FUT8: variants seen among roughly 807,000 people sequenced by gnomAD.
FUT8 encodes alpha-(1,6)-fucosyltransferase.
A neutral mutation model predicts 71.3 loss-of-function variants in FUT8; 29 were observed. That is an observed-to-expected ratio of 0.41 (90% CI 0.30 to 0.55). FUT8 has a LOEUF of 0.55. Among genes scored for constraint, FUT8 ranks in the 20% least tolerant of loss-of-function variants. The pLI is 0.34. For missense variants in FUT8, 544 were observed against 702.1 expected, an observed-to-expected ratio of 0.77 and a Z score of 2.55; for synonymous variants, 254 against 239.3, an observed-to-expected ratio of 1.06 and a Z score of -0.57.
At chr14:65,557,354 A>G (rs1199808576) in intron 2 of FUT8, among the ~76,000 whole-genome samples, 2 of 147,406 alleles carry the variant, frequency 1.4e-5, no homozygotes, top group African/African-American at 5.0e-5. Context: ...TTTTTTTGAG[A>G]CAGAGCCTTG....
intron 3 of FUT8, among the ~76,000 whole-genome samples, chr14:65,579,413 A>G (rs1195889225): frequency 6.6e-6 from 1 of 152,200 alleles, no homozygotes; most frequent in African/African-American, 2.4e-5. Context: ...CACTTGAATC[A>G]TTACATCTTT....
At chr14:65,448,585 TA>T (rs1595390102) in intron 1 of FUT8, among the ~76,000 whole-genome samples, 1 of 152,172 alleles carries the variant, frequency 6.6e-6, no homozygotes, top group Non-Finnish European at 1.5e-5. Flanking sequence ...TAATATGTGT[TA>T]AGGTAGTGTG....
At chr14:65,611,217 G>A (rs1234645401) in intron 3 of FUT8, among the ~76,000 whole-genome samples, 57 of 3,136 alleles carry the variant, frequency 0.018, 3 homozygotes, top group South Asian at 0.056. Flanking sequence ...GCGCGCGCGC[G>A]CGCGCGCACA....
At chr14:65,554,119 G>A (rs193260265) in intron 2 of FUT8, among the ~76,000 whole-genome samples, 108 of 151,578 alleles carry the variant, frequency 7.1e-4, no homozygotes, top group Admixed American at 2.2e-3. Flanking sequence ...TCTTCTCTTT[G>A]CGTTTCATTT....
At chr14:65,649,480 AT>A (rs1891262227) in intron 6 of FUT8, among the ~76,000 whole-genome samples, 1 of 152,210 alleles carries the variant, frequency 6.6e-6, no homozygotes, top group African/African-American at 2.4e-5. Context: ...GAGATGGTTG[AT>A]TATGTTTAAA....
chr14:65,593,764 T>TG (rs1390232403), intron 3 of FUT8, among the ~76,000 whole-genome samples: 1 of 152,170 alleles, frequency 6.6e-6, no homozygotes, highest in Non-Finnish European at 1.5e-5. Flanking sequence ...TTAATAGAGA[T>TG]GGGGTTTCTC....
intron 7 of FUT8, among the ~76,000 whole-genome samples, chr14:65,694,395 A>G (rs1328285642): frequency 2.0e-5 from 3 of 151,910 alleles, no homozygotes; most frequent in African/African-American, 7.3e-5. Flanking sequence ...ATTTCTTGAC[A>G]TTTCTTTGAT....
chr14:65,642,390 G>T (rs1659618398), intron 6 of FUT8, among the ~76,000 whole-genome samples: 1 of 151,984 alleles, frequency 6.6e-6, no homozygotes, highest in Admixed American at 6.6e-5. Context: ...ATCACTTGAG[G>T]CCAAGAGTTT....
upstream of FUT8, chr14:65,412,073 G>A (rs2139338803): frequency 2.2e-6 from 1 of 456,748 alleles, no homozygotes; most frequent in Admixed American, 2.3e-5. Flanking sequence ...TTCCGCCTCA[G>A]AGGGGCTGTC....
chr14:65,646,854 T>C (rs1891147626), intron 6 of FUT8, among the ~76,000 whole-genome samples: 1 of 152,178 alleles, frequency 6.6e-6, no homozygotes, highest in Non-Finnish European at 1.5e-5. Flanking sequence ...TTAAAACATA[T>C]GGATAAGCTC....
chr14:65,364,203 A>AT, the FUT8 span, among the ~76,000 whole-genome samples: 124,148 of 150,970 alleles, frequency 0.82, 51,733 homozygotes, highest in East Asian at 0.99. Context: ...ATCCAAAACC[A>AT]TTTTTTTTTG....
At position 65,649,844 on chromosome 14, in the gene FUT8, T is replaced by G. The variant is rs528239314; in HGVS notation, c.598-19399T>G. Among the ~76,000 whole-genome samples the G allele has an allele frequency of 3.3e-5, 5 of 152,318 alleles. No homozygotes were observed. The East Asian group carries it at 9.6e-4, about 29-fold the overall frequency. ...ATGCCTCTGAAAATACACTTATTAG[T>G]TTGCCAATAAATGAGTAATGTTGCA... On this transcript the variant is annotated intron_variant, in intron 6 of 10. Transcript: ENST00000673929.
At chr14:65,655,522 GAATA>G (rs1891638710) in intron 6 of FUT8, among the ~76,000 whole-genome samples, 1 of 147,940 alleles carries the variant, frequency 6.8e-6, no homozygotes, top group African/African-American at 2.5e-5. Context: ...ATCTCAGACA[GAATA>G]GACTTCAGAG....
chr14:65,435,318 A>G (rs1432666916), intron 1 of FUT8, among the ~76,000 whole-genome samples: 1 of 152,196 alleles, frequency 6.6e-6, no homozygotes, highest in Non-Finnish European at 1.5e-5. Flanking sequence ...ATTCTCAGAT[A>G]TGGAACTAGT....
the FUT8 span, among the ~76,000 whole-genome samples, chr14:65,357,388 A>G: frequency 2.0e-5 from 3 of 152,240 alleles, no homozygotes; most frequent in Non-Finnish European, 4.4e-5. Context: ...TACAGATGAG[A>G]CAATAGCTGT....
At chr14:65,535,041 T>G (rs1884203227) in intron 2 of FUT8, among the ~76,000 whole-genome samples, 1 of 150,826 alleles carries the variant, frequency 6.6e-6, no homozygotes, top group South Asian at 2.1e-4. Context: ...TATATATGTA[T>G]ATATGTTATA....
intron 2 of FUT8, among the ~76,000 whole-genome samples, chr14:65,476,243 AATT>A (rs2139661722): frequency 6.6e-6 from 1 of 152,250 alleles, no homozygotes; most frequent in Admixed American, 6.5e-5. Context: ...GGGTAGGAAG[AATT>A]ATTATTTTTT....
At chr14:65,458,557 T>A (rs1378218781) in intron 2 of FUT8, among the ~76,000 whole-genome samples, 3 of 152,188 alleles carry the variant, frequency 2.0e-5, no homozygotes, top group Admixed American at 1.3e-4. Flanking sequence ...TAAAAAGGTC[T>A]TGAGAAAGTA....
intron 5 of FUT8, among the ~76,000 whole-genome samples, chr14:65,626,849 A>T (rs985308954): frequency 1.9e-4 from 29 of 152,228 alleles, no homozygotes; most frequent in African/African-American, 7.0e-4. Flanking sequence ...TATAATTTTC[A>T]TAAGCAAATA....
Sources: allele counts gnomAD v4.1 joint callset (sites outside exome capture counted in the v4.1 genomes callset), GRCh38; gene constraint gnomAD v4.1.1; transcripts MANE v1.5; gene names NCBI Gene and HGNC (gene_info 2026-07-23, HGNC 2026-07-21).